HDAC9: variants seen among roughly 807,000 people sequenced by gnomAD.
HDAC9 encodes the protein histone deacetylase 9, also known as MEF-2 interacting transcription repressor (MITR) protein.
Under a neutral mutation model 139.4 loss-of-function variants are expected in HDAC9, and 41 were observed. The observed-to-expected ratio is 0.29, with a 90% CI of 0.23 to 0.38. HDAC9 has a LOEUF of 0.38. Among genes scored for constraint, HDAC9 ranks in the 10% least tolerant of loss-of-function variants. HDAC9 has a pLI of 1.00. For missense variants in HDAC9, 1,147 were observed against 1,297.0 expected (o/e 0.88, Z 1.78); for synonymous variants, 517 against 476.2 (o/e 1.09, Z -1.12).
intron 12 of HDAC9, among the ~76,000 whole-genome samples, chr7:18,694,654 G>A (rs946433247): frequency 2.6e-5 from 4 of 152,024 alleles, no homozygotes; most frequent in Non-Finnish European, 5.9e-5. Flanking sequence ...AATCCCTTTC[G>A]TGGAGCAGGA....
At chr7:18,315,978 T>A (rs931530875) in intron 1 of HDAC9, among the ~76,000 whole-genome samples, 1 of 152,208 alleles carries the variant, frequency 6.6e-6, no homozygotes, top group African/African-American at 2.4e-5. Context: ...CTCCTTAAAA[T>A]GGTAATGATA....
chr7:18,243,945 C>G (rs1794354981), intron 2 of HDAC9, among the ~76,000 whole-genome samples: 1 of 152,152 alleles, frequency 6.6e-6, no homozygotes, highest in Non-Finnish European at 1.5e-5. Context: ...GATAATAGTA[C>G]TGTTGTGCTG....
chr7:18,695,242 A>G (rs1039716719), intron 12 of HDAC9, among the ~76,000 whole-genome samples: 3 of 152,186 alleles, frequency 2.0e-5, no homozygotes, highest in African/African-American at 7.2e-5. Flanking sequence ...TTGCCACTCA[A>G]GTTAGAAAAG....
intron 1 of HDAC9, among the ~76,000 whole-genome samples, chr7:18,377,760 A>G (rs1785105712): frequency 6.6e-6 from 1 of 152,212 alleles, no homozygotes; most frequent in Admixed American, 6.5e-5. Flanking sequence ...CTCCAAAGAT[A>G]ATAATGTAAT....
chr7:18,434,299 C>T (rs1228975932), intron 1 of HDAC9, among the ~76,000 whole-genome samples: 2 of 152,088 alleles, frequency 1.3e-5, no homozygotes, highest in African/African-American at 4.8e-5. Flanking sequence ...AAAACCTGAA[C>T]CCTAGAAGAA....
chr7:18,756,945 A>G (rs1788934432), intron 14 of HDAC9, among the ~76,000 whole-genome samples: 1 of 151,842 alleles, frequency 6.6e-6, no homozygotes, highest in Admixed American at 6.6e-5. Context: ...TGTGTGGAAG[A>G]TTGTGCAGTT....
intron 22 of HDAC9, among the ~76,000 whole-genome samples, chr7:18,915,701 C>T (rs1369132407): frequency 4.0e-5 from 6 of 150,426 alleles, no homozygotes; most frequent in African/African-American, 1.2e-4. Context: ...TGTTCTGAAT[C>T]AGGGCTTCAG....
chr7:18,836,051 A>C, intron 21 of HDAC9, 54 bp downstream of exon 21: 1 of 875,406 alleles, frequency 1.1e-6, no homozygotes, highest in South Asian at 1.6e-5. Context: ...ATGTCCATTG[A>C]AATAACACCA....
rs1786539111 is a variant in HDAC9 at position 18,997,575 on chromosome 7, C to T, written c.*1513C>T. ...TTCTAACTCAAAGGATATATTAAAG[C>T]CATAAGTGAAGATTGTCATGCTTTT... On this transcript the variant is annotated 3_prime_UTR_variant, in exon 26 of 26. Transcript: ENST00000686413. The T allele has an allele frequency of 6.6e-6, 1 of 152,032 alleles. No homozygotes were observed. The highest frequency in any genetic ancestry group is 3.4e-3 in the Middle Eastern group (1 of 292). The allele number at this position is 152,032 out of a possible 1,614,324, so 9.4% of individuals were successfully genotyped here. A position where few individuals can be genotyped will look rare whatever the true frequency, so the allele number is the denominator to read the frequency against.
chr7:18,872,357 A>C (rs1318717377), intron 21 of HDAC9, among the ~76,000 whole-genome samples: 1 of 152,162 alleles, frequency 6.6e-6, no homozygotes. Context: ...AATTTGCTTC[A>C]GATAGAAACC....
chr7:18,762,480 C>T (rs1172419131), intron 15 of HDAC9, among the ~76,000 whole-genome samples: 2 of 152,126 alleles, frequency 1.3e-5, no homozygotes, highest in African/African-American at 4.8e-5. Flanking sequence ...AATGTAGGTT[C>T]CATGGTGTTT....
At chr7:18,112,006 C>T (rs1033551625) in intron 1 of HDAC9, among the ~76,000 whole-genome samples, 3 of 152,008 alleles carry the variant, frequency 2.0e-5, no homozygotes, top group South Asian at 2.1e-4. Context: ...GTTAAAATAG[C>T]CATTAGTAAA....
At chr7:18,940,963 A>G (rs1029065796) in intron 23 of HDAC9, among the ~76,000 whole-genome samples, 30 of 152,270 alleles carry the variant, frequency 2.0e-4, no homozygotes, top group African/African-American at 7.0e-4. Flanking sequence ...ATCACCTGTC[A>G]ATACCGAATA....
At chr7:18,174,374 T>G (rs1242488874) in intron 2 of HDAC9, among the ~76,000 whole-genome samples, 1 of 152,200 alleles carries the variant, frequency 6.6e-6, no homozygotes, top group African/African-American at 2.4e-5. Context: ...GGTTTTTAGC[T>G]TCCTTGCGAT....
chr7:18,985,350 G>C lies in HDAC9; in HGVS notation c.3170+9397G>C, dbSNP rs150632468. On this transcript the variant is annotated intron_variant, in intron 25 of 25. Coordinates refer to ENST00000686413, the MANE Select transcript of HDAC9 (RefSeq NM_178425.4). The stretch of plus-strand genomic sequence containing the variant: ...TTTTTTGTTCTTGCGATAGTTTACT[G>C]AGAATGATGTTTTCCAATTTCATCC... 9.4e-3 allele frequency among the ~76,000 whole-genome samples: 1,437 copies of C among 152,162 alleles called. 29 individuals carry two copies. Among genetic ancestry groups the C allele is most frequent in the African/African-American group, 0.033 (1,383 of 41,506 alleles).
intron 1 of HDAC9, among the ~76,000 whole-genome samples, chr7:18,439,787 T>C (rs1048152496): frequency 2.6e-5 from 4 of 152,150 alleles, no homozygotes; most frequent in African/African-American, 9.7e-5. Context: ...TCTTCATACA[T>C]ACACACACAA....
chr7:18,251,814 G>A lies in HDAC9; in HGVS notation c.25+89465G>A, dbSNP rs143626785. Among the ~76,000 whole-genome samples the A allele has an allele frequency of 6.7e-3, 1,014 of 152,210 alleles. 5 individuals carry two copies. The highest frequency in any genetic ancestry group is 0.023 in the African/African-American group (960 of 41,524). ...ACAGGTGAATGACATTTTTGTATAT[G>A]CGTATGTGGCTTACATATTTCCCAA... is the stretch of plus-strand genomic sequence containing the variant. On this transcript the variant is annotated intron_variant, in intron 2 of 12. Coordinates refer to the HDAC9 transcript ENST00000417496.
intron 6 of HDAC9, among the ~76,000 whole-genome samples, chr7:18,599,873 G>A (rs1465991230): frequency 6.6e-6 from 1 of 152,084 alleles, no homozygotes; most frequent in Non-Finnish European, 1.5e-5. Context: ...ACAAAAAACT[G>A]TCAAACTGTC....
chr7:18,464,296 C>T (rs1474846120), intron 1 of HDAC9, among the ~76,000 whole-genome samples: 3 of 151,918 alleles, frequency 2.0e-5, no homozygotes, highest in Non-Finnish European at 4.4e-5. Flanking sequence ...GGTATTAATT[C>T]ACTTCCATTT....
Sources: allele counts gnomAD v4.1 joint callset (sites outside exome capture counted in the v4.1 genomes callset), GRCh38; gene constraint gnomAD v4.1.1; transcripts MANE v1.5; gene names NCBI Gene and HGNC (gene_info 2026-07-23, HGNC 2026-07-21).